MLKL: variants seen among roughly 807,000 people sequenced by gnomAD.
The protein encoded by MLKL is mixed lineage kinase domain like pseudokinase, also known as mixed lineage kinase domain-like protein.
A neutral mutation model predicts 56.5 loss-of-function variants in MLKL; 55 were observed. The ratio of observed to expected loss-of-function variants is 0.97; its 90% CI spans 0.78 to 1.22. The LOEUF is 1.22. Ranked by LOEUF, MLKL falls within the 50% of genes most tolerant of loss-of-function variation. The probability of loss-of-function intolerance (pLI) is 0.00; values close to 1 mark genes in which losing one functional copy is unlikely to be tolerated. For synonymous variants in MLKL, 251 were observed against 208.3 expected (o/e 1.20, Z -1.76); for missense variants, 694 against 573.9 (o/e 1.21, Z -2.14).
chr16:74,682,231 G>C (rs1438577897), intron 6 of MLKL, among the ~76,000 whole-genome samples: 1 of 152,186 alleles, frequency 6.6e-6, no homozygotes, highest in African/African-American at 2.4e-5. Flanking sequence ...CTGGGCAAGA[G>C]AGTGAGACTC....
At chr16:74,683,593 C>CAA (rs35511363) in intron 5 of MLKL, among the ~76,000 whole-genome samples, 40 of 123,330 alleles carry the variant, frequency 3.2e-4, no homozygotes, top group African/African-American at 7.2e-4. Context: ...GACTCTGTCT[C>CAA]AAAAAAAAAA....
Position 74,682,659 on chromosome 16 carries a change from G to T in MLKL, c.948C>A (p.Gly316=). ...TTTTCACCCCGTCTTACCGGTATAG[G>T]CCTCGGGCTGCCCCCAGGACTAGGA... ...RMVLVLGAAR[G]LYRLHHSEAP... The change falls in exon 6 of 11, where the codon GGC becomes GGA. Residue 316 remains glycine (G), a synonymous_variant. Coordinates refer to ENST00000308807, the MANE Select transcript of MLKL (RefSeq NM_152649.4). The T allele has an allele frequency of 6.2e-7, 1 of 1,614,058 alleles. No homozygotes were observed. Among genetic ancestry groups the T allele is most frequent in the Non-Finnish European group, 8.5e-7 (1 of 1,180,010 alleles).
At chr16:74,685,461 G>T in intron 5 of MLKL, 25 bp downstream of exon 5, 1 of 1,580,576 alleles carries the variant, frequency 6.3e-7, no homozygotes, top group South Asian at 1.1e-5. Context: ...TCCAAAGCTT[G>T]ACCAATCCTA....
chr16:74,686,102 G>T (rs778139545), intron 4 of MLKL, among the ~76,000 whole-genome samples: 5 of 152,070 alleles, frequency 3.3e-5, no homozygotes, highest in Non-Finnish European at 7.4e-5. Context: ...TGGAACTACA[G>T]GTGCGTGCCA....
chr16:74,683,683 T>C (rs1031003600), intron 5 of MLKL, among the ~76,000 whole-genome samples: 2 of 152,168 alleles, frequency 1.3e-5, no homozygotes, highest in Admixed American at 1.3e-4. Context: ...TGAGCAGTTA[T>C]TTGGCGAATG....
At chr16:74,688,317 T>C (rs1960460537) in intron 4 of MLKL, among the ~76,000 whole-genome samples, 1 of 152,166 alleles carries the variant, frequency 6.6e-6, no homozygotes, top group Non-Finnish European at 1.5e-5. Flanking sequence ...AATATCAACA[T>C]GCAGAAAAAT....
intron 10 of MLKL, among the ~76,000 whole-genome samples, chr16:74,672,976 G>A (rs1012005986): frequency 1.6e-4 from 25 of 152,238 alleles, no homozygotes; most frequent in Non-Finnish European, 3.4e-4. Flanking sequence ...TGAAGAGAAA[G>A]TTTCAGACAG....
Position 74,691,291 on chromosome 16 carries a change from C to T in MLKL, c.708G>A (p.Gln236=), listed in dbSNP as rs1960657674. 1 of 1,610,808 alleles carries T rather than the reference C, an allele frequency of 6.2e-7. No homozygotes were observed. Among genetic ancestry groups the T allele is most frequent in the Admixed American group, 1.7e-5 (1 of 59,010 alleles). ...AAACAACTTACGCAATGCTGCCAGC[C>T]TGGAGTTTTTTGAATACTTTTATGG... The part of the protein sequence containing the change: ...PVAIKVFKKL[Q]AGSIAIVRQT... The change falls in exon 4 of 11, where the codon CAG becomes CAA. Residue 236 remains glutamine, a synonymous_variant. Transcript: ENST00000308807.
chr16:74,688,689 G>T (rs1349919541), intron 4 of MLKL, among the ~76,000 whole-genome samples: 1 of 152,020 alleles, frequency 6.6e-6, no homozygotes, highest in Non-Finnish European at 1.5e-5. Flanking sequence ...CTCCAGCCTG[G>T]GTGACAGAGC....
At chr16:74,694,550 A>C (rs113464665) in intron 2 of MLKL, among the ~76,000 whole-genome samples, 5,169 of 150,304 alleles carry the variant, frequency 0.034, 204 homozygotes, top group African/African-American at 0.094. Context: ...GGATCACTTG[A>C]GGCCAGGAGT....
intron 2 of MLKL, among the ~76,000 whole-genome samples, chr16:74,693,364 T>C (rs943950019): frequency 2.0e-5 from 3 of 146,792 alleles, no homozygotes; most frequent in Non-Finnish European, 4.5e-5. Flanking sequence ...ACTACTGGGG[T>C]GACTGAGGCA....
chr16:74,677,043 T>TATTC (rs1959640278), intron 7 of MLKL: 1 of 152,028 alleles, frequency 6.6e-6, no homozygotes, highest in Non-Finnish European at 1.5e-5. Flanking sequence ...AAATTTTTCT[T>TATTC]ATTTATTTAT....
chr16:74,674,779 A>G (rs559692920), intron 10 of MLKL, among the ~76,000 whole-genome samples, 181 bp downstream of exon 10: 1 of 152,220 alleles, frequency 6.6e-6, no homozygotes, highest in South Asian at 2.1e-4. Context: ...TGACAGTAGC[A>G]CACTCCATCC....
At chr16:74,689,213 C>G (rs1332725260) in intron 4 of MLKL, among the ~76,000 whole-genome samples, 1 of 151,114 alleles carries the variant, frequency 6.6e-6, no homozygotes, top group Non-Finnish European at 1.5e-5. Context: ...CTCCAAGGTT[C>G]AAGTGATTCT....
intron 4 of MLKL, among the ~76,000 whole-genome samples, chr16:74,689,469 G>A (rs1290361320): frequency 2.0e-5 from 3 of 151,934 alleles, no homozygotes; most frequent in South Asian, 2.1e-4. Flanking sequence ...TAAATCTTAC[G>A]GTATGTAAAA....
At chr16:74,683,543 C>G (rs1284803671) in intron 5 of MLKL, among the ~76,000 whole-genome samples, 1 of 147,038 alleles carries the variant, frequency 6.8e-6, no homozygotes, top group Non-Finnish European at 1.5e-5. Flanking sequence ...CTGCAGTAAG[C>G]ATATTGTACC....
In MLKL at chr16:74,700,820, T is replaced by C. The variant is rs1961343337; in HGVS notation, c.-370A>G. The C allele has an allele frequency of 6.6e-6, 1 of 152,280 alleles. No individual in the cohort carries two copies. The highest frequency in any genetic ancestry group is 1.5e-5 in the Non-Finnish European group (1 of 68,096). 9.4% of individuals were successfully genotyped at this position (152,280 alleles called of 1,614,324 possible). The stretch of plus-strand genomic sequence containing the variant: ...ATGCCTGCAGAGAATGCTGCGACAC[T>C]TCCCCCTCCGACGTGGCTCCAGCTG... On this transcript the variant is annotated 5_prime_UTR_variant, in exon 1 of 11. Transcript: ENST00000308807.
At chr16:74,686,211 C>T (rs1298101258) in intron 4 of MLKL, among the ~76,000 whole-genome samples, 1 of 152,094 alleles carries the variant, frequency 6.6e-6, no homozygotes, top group Non-Finnish European at 1.5e-5. Context: ...ATTTGCCTGC[C>T]TACGCCTCCC....
At position 74,682,767 on chromosome 16, in the gene MLKL, G is replaced by A. The variant is rs1200372097; in HGVS notation, c.840C>T (p.Ser280=). ...IDETVTPPQF[S]IVMEYCELGT... ...CGAGTTCACAGTACTCCATGACAATGGAGAATTGAGGCGGAGTCACTGGTG... is the reference window on the plus strand; with the variant it reads ...CGAGTTCACAGTACTCCATGACAATAGAGAATTGAGGCGGAGTCACTGGTG... The change falls in exon 6 of 11, where the codon TCC becomes TCT. Residue 280 remains serine, a synonymous_variant. Coordinates refer to ENST00000308807, the MANE Select transcript of MLKL (RefSeq NM_152649.4). The A allele has an allele frequency of 1.2e-6, 2 of 1,613,920 alleles. No homozygotes were observed. Among genetic ancestry groups the A allele is most frequent in the African/African-American group, 2.7e-5 (2 of 74,872 alleles).
Sources: gnomAD v4.1 joint callset for allele counts (sites outside exome capture counted in the v4.1 genomes callset) on GRCh38, gnomAD v4.1.1 for gene constraint, MANE v1.5 for transcripts, NCBI Gene and HGNC (gene_info 2026-07-23, HGNC 2026-07-21) for gene names.